Variants in FKBP5 observed in about 807,000 individuals in gnomAD.
FKBP5 encodes the protein peptidyl-prolyl cis-trans isomerase FKBP5.
In FKBP5, 23 loss-of-function variants were observed where a neutral mutation model predicts 50.5. That is an observed-to-expected ratio of 0.46 (90% CI 0.33 to 0.65). FKBP5 has a LOEUF of 0.65. FKBP5 is among the 30% of genes least tolerant of loss of function. The pLI is 0.02. For synonymous variants in FKBP5, 176 were observed against 190.6 expected (o/e 0.92, Z 0.63); for missense variants, 411 against 553.1 (o/e 0.74, Z 2.58).
chr6:35,652,597 T>C lies in FKBP5; in HGVS notation c.-19-9754A>G, dbSNP rs1236925122. ...TTAGGAAGAGGAAATTCCCGCCTAA[T>C]AAACTTTGGTCAGACTAGTTGATCT... On this transcript the variant is annotated intron_variant, in intron 1 of 10. Transcript: ENST00000357266. Among the ~76,000 whole-genome samples, 3 of 152,296 alleles carry C rather than the reference T, an allele frequency of 2.0e-5. No individual in the cohort carries two copies. The East Asian group carries it at 5.8e-4, about 29-fold the overall frequency.
At chr6:35,587,005 T>C (rs1310511898) in intron 8 of FKBP5, 29 bp downstream of exon 8, 1 of 1,613,602 alleles carries the variant, frequency 6.2e-7, no homozygotes, top group African/African-American at 1.3e-5. Flanking sequence ...TTCTTTGAGA[T>C]GGAAAGGATT....
chr6:35,601,644 G>A (rs1763148158), intron 5 of FKBP5, among the ~76,000 whole-genome samples: 1 of 152,084 alleles, frequency 6.6e-6, no homozygotes, highest in Non-Finnish European at 1.5e-5. Flanking sequence ...TTTTTGACCT[G>A]GCATCTTTTA....
At chr6:35,669,900 A>C (rs1765337314) in intron 1 of FKBP5, among the ~76,000 whole-genome samples, 1 of 152,196 alleles carries the variant, frequency 6.6e-6, no homozygotes, top group African/African-American at 2.4e-5. Context: ...CAGGAAGCTC[A>C]GAGCTAAATT....
intron 5 of FKBP5, among the ~76,000 whole-genome samples, chr6:35,616,810 C>T (rs895527602): frequency 3.3e-5 from 5 of 151,940 alleles, no homozygotes; most frequent in African/African-American, 1.2e-4. Context: ...TAAACCTCTA[C>T]CTTTGTACAT....
intron 1 of FKBP5, among the ~76,000 whole-genome samples, chr6:35,671,273 A>AT (rs1017297588): frequency 2.0e-5 from 3 of 151,462 alleles, no homozygotes; most frequent in Non-Finnish European, 4.4e-5. Flanking sequence ...CAAAAAAAAA[A>AT]AAAAATAATA....
intron 1 of FKBP5, among the ~76,000 whole-genome samples, chr6:35,666,076 A>G (rs1046708747): frequency 1.3e-5 from 2 of 152,180 alleles, no homozygotes; most frequent in African/African-American, 4.8e-5. Context: ...TAAAACCACC[A>G]TAAGCCAAGG....
chr6:35,657,617 T>A (rs1465008370), intron 1 of FKBP5, among the ~76,000 whole-genome samples: 1 of 152,226 alleles, frequency 6.6e-6, no homozygotes, highest in Non-Finnish European at 1.5e-5. Context: ...CTTGTTCACA[T>A]CTGCAAAGTC....
intron 1 of FKBP5, among the ~76,000 whole-genome samples, chr6:35,688,106 G>A (rs934260794): frequency 2.0e-5 from 3 of 152,242 alleles, no homozygotes; most frequent in Non-Finnish European, 2.9e-5. Flanking sequence ...GTTAGACGGC[G>A]CTGCGCGGAC....
intron 1 of FKBP5, among the ~76,000 whole-genome samples, chr6:35,684,181 CTT>C (rs1057487502): frequency 4.3e-4 from 62 of 143,502 alleles, no homozygotes; most frequent in Admixed American, 8.4e-4. Flanking sequence ...GTAATTGTAT[CTT>C]TTTTTTTTTT....
At chr6:35,655,516 T>A (rs553700076) in intron 1 of FKBP5, among the ~76,000 whole-genome samples, 3 of 152,172 alleles carry the variant, frequency 2.0e-5, no homozygotes, top group African/African-American at 7.2e-5. Context: ...CAAGGTAACA[T>A]ATGAGAAAAG....
At chr6:35,625,256 GTAT>G (rs1054453365) in intron 3 of FKBP5, among the ~76,000 whole-genome samples, 3 of 152,032 alleles carry the variant, frequency 2.0e-5, no homozygotes, top group Non-Finnish European at 4.4e-5. Context: ...GGTAATTTTT[GTAT>G]TTTTTGGTAG....
intron 1 of FKBP5, among the ~76,000 whole-genome samples, chr6:35,649,283 ATGTTTTT>A (rs1764719709): frequency 1.3e-5 from 2 of 151,458 alleles, no homozygotes; most frequent in South Asian, 4.2e-4. Flanking sequence ...TTTAGTAATA[ATGTTTTT>A]TATTTTACAT....
rs546334887 is a variant in FKBP5, at chr6:35,677,220, C to A, written c.-20+11584G>T. On this transcript the variant is annotated intron_variant, in intron 1 of 10. Transcript: ENST00000357266. ...TCCCAAGTAGCTGGGACTACAGGCG[C>A]CTGCCACCACACCCAGCTAATTTTT... is the stretch of plus-strand genomic sequence containing the variant. Among the ~76,000 whole-genome samples the A allele has an allele frequency of 3.9e-5, 6 of 152,258 alleles. No individual in the cohort carries two copies. The South Asian group carries it at 1.0e-3, about 26-fold the overall frequency.
intron 1 of FKBP5, among the ~76,000 whole-genome samples, chr6:35,661,158 T>G (rs1274062533): frequency 2.4e-5 from 2 of 83,196 alleles, no homozygotes; most frequent in African/African-American, 7.5e-5. Context: ...TTTTATGTAT[T>G]TATTTATTTA....
intron 2 of FKBP5, among the ~76,000 whole-genome samples, chr6:35,708,093 C>T (rs1766354310): frequency 6.6e-6 from 1 of 152,116 alleles, no homozygotes. Context: ...CAGTCTTTGA[C>T]CTGATAATTC....
intron 1 of FKBP5, among the ~76,000 whole-genome samples, chr6:35,680,214 T>G (rs1765630065): frequency 1.3e-5 from 2 of 152,124 alleles, no homozygotes; most frequent in Non-Finnish European, 2.9e-5. Flanking sequence ...GAGGATCACT[T>G]GAGGCCAGGA....
At chr6:35,634,013 A>T (rs1181091452) in intron 3 of FKBP5, among the ~76,000 whole-genome samples, 2 of 152,222 alleles carry the variant, frequency 1.3e-5, no homozygotes, top group Non-Finnish European at 2.9e-5. Flanking sequence ...AAAATAACTC[A>T]GAAAATCTTC....
intron 1 of FKBP5, among the ~76,000 whole-genome samples, chr6:35,725,721 G>A (rs1272250913): frequency 6.6e-6 from 1 of 152,154 alleles, no homozygotes; most frequent in Non-Finnish European, 1.5e-5. Context: ...GCTAAAGAAG[G>A]AAGTATAAAT....
intron 1 of FKBP5, chr6:35,651,886 C>T (rs2150994679): frequency 8.6e-7 from 1 of 1,167,450 alleles, no homozygotes; most frequent in African/African-American, 1.6e-5. Context: ...AATAAATCCT[C>T]TTTTGCAACC....
Sources: gnomAD v4.1 joint callset for allele counts (sites outside exome capture counted in the v4.1 genomes callset) on GRCh38, gnomAD v4.1.1 for gene constraint, MANE v1.5 for transcripts, NCBI Gene and HGNC (gene_info 2026-07-23, HGNC 2026-07-21) for gene names.